The following BMPER variants were observed in gnomAD, a reference collection of about 807,000 sequenced individuals.
BMPER encodes BMP binding endothelial regulator.
In BMPER, 45 loss-of-function variants were observed where a neutral mutation model predicts 87.3. The ratio of observed to expected loss-of-function variants is 0.52; its 90% CI spans 0.41 to 0.66. BMPER has a LOEUF of 0.66. BMPER is among the 30% of genes least tolerant of loss of function. BMPER has a pLI of 0.00. For missense variants in BMPER, 784 were observed against 867.5 expected (o/e 0.90, Z 1.21); for synonymous variants, 326 against 316.2 (o/e 1.03, Z -0.33).
intron 4 of BMPER, among the ~76,000 whole-genome samples, chr7:33,969,972 A>C (rs1418948810): frequency 6.6e-6 from 1 of 152,238 alleles, no homozygotes; most frequent in Non-Finnish European, 1.5e-5. Flanking sequence ...AATGATAGAA[A>C]GTACAGGAAG....
intron 6 of BMPER, among the ~76,000 whole-genome samples, chr7:34,006,090 A>G (rs1786726155): frequency 6.6e-6 from 1 of 152,048 alleles, no homozygotes; most frequent in African/African-American, 2.4e-5. Context: ...AATATGTATT[A>G]CTTTACTGTT....
Position 34,046,334 on chromosome 7 carries a change from T to C in BMPER, c.605T>C (p.Val202Ala). 1 of 1,614,004 alleles carries C rather than the reference T, an allele frequency of 6.2e-7. No individual in the cohort carries two copies. The highest frequency in any genetic ancestry group is 8.5e-7 in the Non-Finnish European group (1 of 1,179,892). ...TGGRTQCVRE[V>A]CPILSCPQHL... ...GGCAGGACACAATGTGTGAGAGAAG[T>C]CTGTCCCATTCTCTCCTGTCCCCAG... The change falls in exon 7 of 15, where the codon GTC becomes GCC. Residue 202 changes from valine (V) to alanine (A), a missense_variant. Val to Ala is a moderately conservative substitution (Grantham distance 64, BLOSUM62 0). Coordinates refer to ENST00000649409, the MANE Select transcript of BMPER (RefSeq NM_001365308.1).
intron 11 of BMPER, among the ~76,000 whole-genome samples, chr7:34,074,317 T>C (rs1732410579): frequency 6.6e-6 from 1 of 152,154 alleles, no homozygotes; most frequent in African/African-American, 2.4e-5. Context: ...ACGTGGTGGA[T>C]CATGTGCTGA....
intron 8 of BMPER, among the ~76,000 whole-genome samples, chr7:34,053,055 C>T (rs148684889): frequency 6.6e-6 from 1 of 152,284 alleles, no homozygotes; most frequent in East Asian, 1.9e-4. Context: ...TTTGATGAAA[C>T]ATATCACACT....
chr7:34,113,587 A>G (rs1397137355), intron 13 of BMPER, among the ~76,000 whole-genome samples: 1 of 150,212 alleles, frequency 6.7e-6, no homozygotes, highest in East Asian at 2.0e-4. Context: ...ATGCAGTTTT[A>G]CAAATTTTAT....
chr7:34,059,097 G>GA (rs893282514), intron 10 of BMPER, among the ~76,000 whole-genome samples: 14 of 149,390 alleles, frequency 9.4e-5, no homozygotes, highest in East Asian at 7.8e-4. Context: ...TCCCATAAAA[G>GA]AAAAAAAAAG....
At chr7:34,007,415 A>G (rs1284133456) in intron 6 of BMPER, among the ~76,000 whole-genome samples, 1 of 152,150 alleles carries the variant, frequency 6.6e-6, no homozygotes, top group East Asian at 1.9e-4. Flanking sequence ...ACTCACCAGT[A>G]TTGCTTAGTC....
intron 13 of BMPER, among the ~76,000 whole-genome samples, chr7:34,096,497 A>G (rs1438847775): frequency 6.6e-6 from 1 of 152,184 alleles, no homozygotes; most frequent in Non-Finnish European, 1.5e-5. Context: ...GCATGTGCAA[A>G]TACGAAATAG....
At position 34,062,011 on chromosome 7, in the gene BMPER, C is replaced by G. The variant is rs267601493; in HGVS notation, c.1042C>G (p.Leu348Val). 1 of 1,579,788 alleles carries G rather than the reference C, an allele frequency of 6.3e-7. No individual in the cohort carries two copies. Among genetic ancestry groups the G allele is most frequent in the Non-Finnish European group, 8.6e-7 (1 of 1,159,492 alleles). The part of the protein sequence containing the change: ...PISSCPQGKI[L>V]NRKGCCPICT... ...TTTTTCTTCTGATTAGGGCAAAATTCTCAACAGAAAAGGATGCTGTCCTAT... is the reference window on the plus strand; with the variant it reads ...TTTTTCTTCTGATTAGGGCAAAATTGTCAACAGAAAAGGATGCTGTCCTAT... The change falls in exon 11 of 15, where the codon CTC (leucine) becomes GTC (valine). Residue 348 changes from leucine to valine, a missense_variant. Physicochemically the swap from Leu to Val is conservative, Grantham distance 32 (BLOSUM62 1). Transcript: ENST00000649409.
chr7:34,020,342 C>T (rs1318437033), intron 6 of BMPER, among the ~76,000 whole-genome samples: 1 of 151,940 alleles, frequency 6.6e-6, no homozygotes, highest in African/African-American at 2.4e-5. Context: ...TGGCAGTTAG[C>T]TTTAAGGGAT....
At chr7:34,069,626 T>C (rs1357721350) in intron 11 of BMPER, among the ~76,000 whole-genome samples, 1 of 152,246 alleles carries the variant, frequency 6.6e-6, no homozygotes, top group Admixed American at 6.5e-5. Flanking sequence ...CTGTTCTCTA[T>C]TGACTACATT....
chr7:34,019,630 CAGCTGTTTACTT>C (rs1787127328), intron 6 of BMPER, among the ~76,000 whole-genome samples: 1 of 151,976 alleles, frequency 6.6e-6, no homozygotes, highest in African/African-American at 2.4e-5. Context: ...AAGGACCATT[CAGCTGTTTACTT>C]ATTCATTTTG....
intron 13 of BMPER, among the ~76,000 whole-genome samples, chr7:34,119,014 T>A (rs200376585): frequency 0.015 from 2,053 of 135,672 alleles, 21 homozygotes; most frequent in Middle Eastern, 0.061. Context: ...TCTCTCTCTC[T>A]CACACACACA....
intron 13 of BMPER, among the ~76,000 whole-genome samples, chr7:34,100,487 G>A (rs1387074979): frequency 2.0e-5 from 3 of 152,110 alleles, no homozygotes; most frequent in African/African-American, 4.8e-5. Context: ...AAGTGCCGAC[G>A]CAGCCAACCC....
At chr7:34,086,925 C>G (rs1334117319) in intron 13 of BMPER, among the ~76,000 whole-genome samples, 4 of 152,188 alleles carry the variant, frequency 2.6e-5, no homozygotes, top group Non-Finnish European at 5.9e-5. Flanking sequence ...AAGATGAACA[C>G]AGCCCAAAAG....
At position 33,944,296 on chromosome 7, in the gene BMPER, G is replaced by A. The variant is rs547685773; in HGVS notation, c.319+6908G>A. Among the ~76,000 whole-genome samples, 4 of 152,136 alleles carry A rather than the reference G, an allele frequency of 2.6e-5. 1 individual carries two copies. The South Asian group carries it at 8.3e-4, about 32-fold the overall frequency. ...TTCTCATGCCTCAGCCTCCCAAGTA[G>A]CTGGGATTACAGGTGTGTGCCACAA... On this transcript the variant is annotated intron_variant, in intron 3 of 14. Transcript: ENST00000649409.
chr7:34,053,069 A>C (rs1477313685), intron 8 of BMPER, among the ~76,000 whole-genome samples: 2 of 152,074 alleles, frequency 1.3e-5, no homozygotes, highest in Non-Finnish European at 2.9e-5. Flanking sequence ...TCACACTCCC[A>C]ATTCTCTTGC....
At chr7:34,010,082 T>C (rs1181845098) in intron 6 of BMPER, among the ~76,000 whole-genome samples, 1 of 151,970 alleles carries the variant, frequency 6.6e-6, no homozygotes, top group Non-Finnish European at 1.5e-5. Flanking sequence ...ATACATCTTA[T>C]AAACCACACT....
At chr7:33,988,299 C>G (rs1438437643) in intron 6 of BMPER, among the ~76,000 whole-genome samples, 1 of 152,090 alleles carries the variant, frequency 6.6e-6, no homozygotes, top group Non-Finnish European at 1.5e-5. Flanking sequence ...TCAAGTTCAA[C>G]AACAGGAGAG....
Sources: allele counts gnomAD v4.1 joint callset (sites outside exome capture counted in the v4.1 genomes callset), GRCh38; gene constraint gnomAD v4.1.1; transcripts MANE v1.5; gene names NCBI Gene and HGNC (gene_info 2026-07-23, HGNC 2026-07-21).